Variants in SSTR1 observed in about 807,000 individuals in gnomAD.
SSTR1 encodes the protein somatostatin receptor 1.
A neutral mutation model predicts 20.7 loss-of-function variants in SSTR1; 10 were observed. The observed-to-expected ratio is 0.48, with a 90% confidence interval of 0.30 to 0.82. The LOEUF is 0.82. SSTR1 is among the 40% of genes least tolerant of loss of function. The probability of loss-of-function intolerance (pLI) is 0.07; values close to 1 mark genes in which losing one functional copy is unlikely to be tolerated. For missense variants in SSTR1, 494 were observed against 540.0 expected, an observed-to-expected ratio of 0.91 and a Z score of 0.84; for synonymous variants, 267 against 227.8, an observed-to-expected ratio of 1.17 and a Z score of -1.55.
At position 38,209,687 on chromosome 14, in the gene SSTR1, C is replaced by A; in HGVS notation, c.298C>A (p.Leu100Met). 7 of 1,614,100 alleles carry A rather than the reference C, an allele frequency of 4.3e-6. No individual in the cohort carries two copies. The highest frequency in any genetic ancestry group is 5.9e-6 in the Non-Finnish European group (7 of 1,180,032). ...GGCCACCAACATCTACATCCTAAATCTGGCCATTGCTGATGAGCTGCTCAT... is the reference window on the plus strand; with the variant it reads ...GGCCACCAACATCTACATCCTAAATATGGCCATTGCTGATGAGCTGCTCAT... ...KTATNIYILN[L>M]AIADELLMLS... Residue 100 changes from leucine (L) to methionine (M), a missense_variant, in exon 3 of 3, where the codon CTG becomes ATG. Leu to Met is a conservative substitution (Grantham distance 15). This residue lies in a region of SSTR1 where 116 missense variants were observed against 174.6 expected (regional missense o/e 0.66). Coordinates refer to ENST00000267377, the MANE Select transcript of SSTR1 (RefSeq NM_001049.3).
chr14:38,213,067 A>G lies in SSTR1; in HGVS notation c.*2502A>G, dbSNP rs1467353445. On this transcript the variant is annotated 3_prime_UTR_variant, in exon 3 of 3. Transcript: ENST00000267377. The stretch of plus-strand genomic sequence containing the variant: ...TAAACAGATGTATTATGCTGTTGCA[A>G]GTTGTTTTTGCTATTTGAATTTTAT... 3.6e-5 allele frequency: 6 copies of G among 165,588 alleles called. No homozygotes were observed. The highest frequency in any genetic ancestry group is 2.0e-4 in the Admixed American group (3 of 15,098). 10.3% of individuals were successfully genotyped at this position (165,588 alleles called of 1,614,324 possible).
chr14:38,210,714 C>G lies in SSTR1; in HGVS notation c.*149C>G. ...GGATAACGTGGGGCTAGGACACTGA[C>G]AGCCTTTGATGGAGGAACCCAAGAA... On this transcript the variant is annotated 3_prime_UTR_variant, in exon 3 of 3. Transcript: ENST00000267377. 6.9e-7 allele frequency: 1 copy of G among 1,439,360 alleles called. No individual in the cohort carries two copies. The highest frequency in any genetic ancestry group is 2.5e-5 in the East Asian group (1 of 39,592). 89.2% of individuals were successfully genotyped at this position (1,439,360 alleles called of 1,614,324 possible).
In SSTR1 at chr14:38,208,101, C is replaced by CA. The variant is rs1883245940; in HGVS notation, c.-514dup. The CA allele has an allele frequency of 6.6e-6, 1 of 152,254 alleles. No individual in the cohort carries two copies. Among genetic ancestry groups the CA allele is most frequent in the East Asian group, 1.9e-4 (1 of 5,188 alleles). The allele number at this position is 152,254 out of a possible 1,614,324, so 9.4% of individuals were successfully genotyped here. On this transcript the variant is annotated 5_prime_UTR_variant, in exon 1 of 3. Transcript: ENST00000267377. The stretch of plus-strand genomic sequence containing the variant: ...CGTCTGCCAGAACCCGCCAACTCTC[C>CA]AGGGTACAAAGTACAGCAGGGACGC...
chr14:38,209,720 G>C lies in SSTR1; in HGVS notation c.331G>C (p.Val111Leu). The change falls in exon 3 of 3, where the codon GTG (valine) becomes CTG (leucine). Residue 111 changes from valine (V) to leucine (L), a missense_variant. By Grantham distance (32) the Val-to-Leu change is conservative. Coordinates refer to ENST00000267377, the MANE Select transcript of SSTR1 (RefSeq NM_001049.3). Reference sequence around the variant, plus strand: ...TGCTGATGAGCTGCTCATGCTCAGCGTGCCCTTCCTAGTCACCTCCACGTT... The same window carrying C: ...TGCTGATGAGCTGCTCATGCTCAGCCTGCCCTTCCTAGTCACCTCCACGTT... ...AIADELLMLS[V>L]PFLVTSTLLR... 6.2e-7 allele frequency: 1 copy of C among 1,613,988 alleles called. No homozygotes were observed. Among genetic ancestry groups the C allele is most frequent in the Non-Finnish European group, 8.5e-7 (1 of 1,180,016 alleles).
Position 38,209,485 on chromosome 14 carries a change from CG to C in SSTR1, c.98del (p.Gly33AlafsTer19). The C allele has an allele frequency of 6.4e-7, 1 of 1,569,906 alleles. No homozygotes were observed. Among genetic ancestry groups the C allele is most frequent in the African/African-American group, 1.3e-5 (1 of 74,098 alleles). On this transcript the variant is annotated frameshift_variant, in exon 3 of 3. Coordinates refer to ENST00000267377, the MANE Select transcript of SSTR1 (RefSeq NM_001049.3). LOFTEE classifies it high-confidence loss of function. ...EGGGSRGPGA[G>X]AADGMEEPGR... ...GCGGCGGCAGCAGGGGCCCCGGGGC[CG>C]GCGCTGCGGACGGCATGGAGGAGCC...
At position 38,209,833 on chromosome 14, in the gene SSTR1, GACTGT is replaced by G; in HGVS notation, c.445_449del (p.Thr149AlafsTer99). ...ACATGTTCACCAGCATCTACTGTCT[GACTGT>G]GCTCAGCGTGGACCGCTACGTGGCC... is the stretch of plus-strand genomic sequence containing the variant. On this transcript the variant is annotated frameshift_variant, in exon 3 of 3. Coordinates refer to ENST00000267377, the MANE Select transcript of SSTR1 (RefSeq NM_001049.3). LOFTEE classifies it high-confidence loss of function. 1 of 1,613,866 alleles carries G rather than the reference GACTGT, an allele frequency of 6.2e-7. No individual in the cohort carries two copies. The highest frequency in any genetic ancestry group is 8.5e-7 in the Non-Finnish European group (1 of 1,180,044).
Position 38,210,622 on chromosome 14 carries a change from A to T in SSTR1, c.*57A>T. On this transcript the variant is annotated 3_prime_UTR_variant, in exon 3 of 3. Coordinates refer to ENST00000267377, the MANE Select transcript of SSTR1 (RefSeq NM_001049.3). The stretch of plus-strand genomic sequence containing the variant: ...CCACGCAGGGGCCCTGAGCCAAAAG[A>T]GGGGGAGAATGAGAAGGGAAGGCCG... 7.8e-7 allele frequency: 1 copy of T among 1,275,184 alleles called. No individual in the cohort carries two copies. The allele number at this position is 1,275,184 out of a possible 1,614,324, so 79.0% of individuals were successfully genotyped here.
Position 38,210,729 on chromosome 14 carries a change from G to A in SSTR1, c.*164G>A. The A allele has an allele frequency of 7.0e-7, 1 of 1,425,390 alleles. No homozygotes were observed. The highest frequency in any genetic ancestry group is 9.2e-7 in the Non-Finnish European group (1 of 1,084,468). 88.3% of individuals were successfully genotyped at this position (1,425,390 alleles called of 1,614,324 possible). Reference sequence around the variant, plus strand: ...AGGACACTGACAGCCTTTGATGGAGGAACCCAAGAAAGGCGCGCGACAATG... The same window carrying A: ...AGGACACTGACAGCCTTTGATGGAGAAACCCAAGAAAGGCGCGCGACAATG... On this transcript the variant is annotated 3_prime_UTR_variant, in exon 3 of 3. Transcript: ENST00000267377.
rs1451720553 is a variant in SSTR1, at chr14:38,208,039, G to A, written c.-577G>A. 2 of 152,226 alleles carry A rather than the reference G, an allele frequency of 1.3e-5. No homozygotes were observed. The highest frequency in any genetic ancestry group is 6.5e-5 in the Admixed American group (1 of 15,278). 9.4% of individuals were successfully genotyped at this position (152,226 alleles called of 1,614,324 possible). On this transcript the variant is annotated 5_prime_UTR_variant, in exon 1 of 3. Transcript: ENST00000267377. ...GGCAGCTCCTCACCTGGATTTAGAA[G>A]AGCTGGCGTCCCCGCCCGCCCAAGC...
rs965599137 is a variant in SSTR1, at chr14:38,210,776, A to G, written c.*211A>G. 2 of 1,268,724 alleles carry G rather than the reference A, an allele frequency of 1.6e-6. No individual in the cohort carries two copies. The highest frequency in any genetic ancestry group is 1.5e-5 in the African/African-American group (1 of 65,972). The allele number at this position is 1,268,724 out of a possible 1,614,324, so 78.6% of individuals were successfully genotyped here. ...AATGGTAGAAGTGAGAGCTTTGCTT[A>G]TAAACTGGGAAGGCTTTCAGGCTAC... On this transcript the variant is annotated 3_prime_UTR_variant, in exon 3 of 3. Transcript: ENST00000267377.
chr14:38,208,929 A>C, intron 2 of SSTR1, 117 bp from the exon 3 acceptor site: 1 of 156,224 alleles, frequency 6.4e-6, no homozygotes, highest in African/African-American at 2.4e-5. Flanking sequence ...GAACCCCGGA[A>C]GGAGCCACTA....
chr14:38,209,096 G>T lies in SSTR1; in HGVS notation c.-294G>T, dbSNP rs1289866143. 2.8e-6 allele frequency: 1 copy of T among 354,748 alleles called. No homozygotes were observed. Among genetic ancestry groups the T allele is most frequent in the Non-Finnish European group, 5.0e-6 (1 of 199,192 alleles). The allele number at this position is 354,748 out of a possible 1,614,324, so 22.0% of individuals were successfully genotyped here. On this transcript the variant is annotated 5_prime_UTR_variant, in exon 3 of 3. Transcript: ENST00000267377. The stretch of plus-strand genomic sequence containing the variant: ...TAATCATTTACCAGTCCAGAGCCGC[G>T]CCAGTTAATGGCTGTGCCGTGCGGT...
At position 38,209,985 on chromosome 14, in the gene SSTR1, C is replaced by A. The variant is rs752753925; in HGVS notation, c.596C>A (p.Ala199Glu). 1.2e-6 allele frequency: 2 copies of A among 1,614,150 alleles called. No individual in the cohort carries two copies. Among genetic ancestry groups the A allele is most frequent in the Non-Finnish European group, 1.7e-6 (2 of 1,180,054 alleles). The change falls in exon 3 of 3, where the codon GCG becomes GAG. Residue 199 changes from alanine to glutamate, a missense_variant. By Grantham distance (107) the Ala-to-Glu change is moderately radical (BLOSUM62 -1). Around this residue, in one of 3 missense-constraint regions of SSTR1, gnomAD observed 280 missense variants for 286.1 expected, o/e 0.98. Coordinates refer to ENST00000267377, the MANE Select transcript of SSTR1 (RefSeq NM_001049.3). ...ILPIVVFSRT[A>E]ANSDGTVACN... ...CCCATCGTGGTCTTCTCTCGCACCG[C>A]GGCCAACAGCGACGGCACGGTGGCT...
Position 38,210,725 on chromosome 14 carries a change from G to A in SSTR1, c.*160G>A. ...GGCTAGGACACTGACAGCCTTTGAT[G>A]GAGGAACCCAAGAAAGGCGCGCGAC... On this transcript the variant is annotated 3_prime_UTR_variant, in exon 3 of 3. Transcript: ENST00000267377. 1 of 1,429,572 alleles carries A rather than the reference G, an allele frequency of 7.0e-7. No homozygotes were observed. The highest frequency in any genetic ancestry group is 9.2e-7 in the Non-Finnish European group (1 of 1,087,974). The allele number at this position is 1,429,572 out of a possible 1,614,324, so 88.6% of individuals were successfully genotyped here. A position where few individuals can be genotyped will look rare whatever the true frequency, so the allele number is the denominator to read the frequency against.
At position 38,209,686 on chromosome 14, in the gene SSTR1, T is replaced by G. The variant is rs768744926; in HGVS notation, c.297T>G (p.Asn99Lys). 1 of 1,614,056 alleles carries G rather than the reference T, an allele frequency of 6.2e-7. No homozygotes were observed. The highest frequency in any genetic ancestry group is 8.5e-7 in the Non-Finnish European group (1 of 1,180,012). Residue 99 changes from asparagine (N) to lysine (K), a missense_variant, in exon 3 of 3, where the codon AAT (asparagine) becomes AAG (lysine). Transcript: ENST00000267377. ...MKTATNIYIL[N>K]LAIADELLML... is the part of the protein sequence containing the mutation. ...CGGCCACCAACATCTACATCCTAAA[T>G]CTGGCCATTGCTGATGAGCTGCTCA...
Position 38,210,732 on chromosome 14 carries a change from C to T in SSTR1, c.*167C>T, listed in dbSNP as rs1004503283. ...ACACTGACAGCCTTTGATGGAGGAA[C>T]CCAAGAAAGGCGCGCGACAATGGTA... On this transcript the variant is annotated 3_prime_UTR_variant, in exon 3 of 3. Coordinates refer to ENST00000267377, the MANE Select transcript of SSTR1 (RefSeq NM_001049.3). 14 of 1,419,552 alleles carry T rather than the reference C, an allele frequency of 9.9e-6. No homozygotes were observed. Among genetic ancestry groups the T allele is most frequent in the Middle Eastern group, 2.6e-4 (1 of 3,838 alleles). 87.9% of individuals were successfully genotyped at this position (1,419,552 alleles called of 1,614,324 possible). A position where few individuals can be genotyped will look rare whatever the true frequency, so the allele number is the denominator to read the frequency against.
rs1883311718 is a variant in SSTR1, at chr14:38,210,639, G to T, written c.*74G>T. The T allele has an allele frequency of 5.2e-6, 7 of 1,355,868 alleles. No individual in the cohort carries two copies. In the East Asian group the frequency reaches 1.9e-4, roughly 37 times the overall value. The allele number at this position is 1,355,868 out of a possible 1,614,324, so 84.0% of individuals were successfully genotyped here. On this transcript the variant is annotated 3_prime_UTR_variant, in exon 3 of 3. Transcript: ENST00000267377. ...GCCAAAAGAGGGGGAGAATGAGAAG[G>T]GAAGGCCGGGTGCGAAAGGGACGGT... is the stretch of plus-strand genomic sequence containing the variant.
chr14:38,212,045 A>G lies in SSTR1; in HGVS notation c.*1480A>G, dbSNP rs1484038695. On this transcript the variant is annotated 3_prime_UTR_variant, in exon 3 of 3. Coordinates refer to ENST00000267377, the MANE Select transcript of SSTR1 (RefSeq NM_001049.3). ...TGATTGTGTTGAGTGAAGTTTGGAG[A>G]TTTTTCATACTTTTCTTACTATAGT... 6.0e-6 allele frequency: 1 copy of G among 166,566 alleles called. No individual in the cohort carries two copies. The highest frequency in any genetic ancestry group is 1.5e-5 in the Non-Finnish European group (1 of 68,052). The allele number at this position is 166,566 out of a possible 1,614,324, so 10.3% of individuals were successfully genotyped here.
rs775867643 is a variant in SSTR1, at chr14:38,209,486, G to C, written c.97G>C (p.Gly33Arg). ...EGGGSRGPGA[G>R]AADGMEEPGR... ...CGGCGGCAGCAGGGGCCCCGGGGCC[G>C]GCGCTGCGGACGGCATGGAGGAGCC... Residue 33 changes from glycine (G) to arginine (R), a missense_variant, in exon 3 of 3, where the codon GGC (glycine) becomes CGC (arginine). Gly to Arg is a moderately radical substitution (Grantham distance 125). Around this residue, in one of 3 missense-constraint regions of SSTR1, gnomAD observed 98 missense variants for 79.3 expected, o/e 1.24. Transcript: ENST00000267377. 32 of 1,570,364 alleles carry C rather than the reference G, an allele frequency of 2.0e-5. No homozygotes were observed. Among genetic ancestry groups the C allele is most frequent in the Non-Finnish European group, 2.6e-5 (30 of 1,157,878 alleles).
Sources: allele counts gnomAD v4.1 joint callset, GRCh38; gene constraint gnomAD v4.1.1; regional missense constraint gnomAD v4.1.1; transcripts MANE v1.5; gene names NCBI Gene and HGNC (gene_info 2026-07-23, HGNC 2026-07-21).